The following NRXN3 variants were observed in gnomAD, a reference collection of about 807,000 sequenced individuals.
NRXN3 encodes the protein neurexin 3, also known as neurexin III.
In NRXN3, 32 loss-of-function variants were observed where a neutral mutation model predicts 137.6. The ratio of observed to expected loss-of-function variants is 0.23; its 90% CI spans 0.18 to 0.31. NRXN3 has a LOEUF of 0.31. Ranked by LOEUF, NRXN3 falls within the 10% of genes least tolerant of loss-of-function variation. NRXN3 has a pLI of 1.00. For missense variants in NRXN3, 1,574 were observed against 2,062.5 expected (o/e 0.76, Z 4.59); for synonymous variants, 798 against 784.5 (o/e 1.02, Z -0.29).
chr14:78,978,483 A>G (rs766466918), intron 14 of NRXN3, among the ~76,000 whole-genome samples: 7 of 152,056 alleles, frequency 4.6e-5, no homozygotes, highest in African/African-American at 1.7e-4. Flanking sequence ...AGTTAAAATG[A>G]ATAGATCTTA....
In NRXN3 at chr14:78,582,112, T is replaced by A. The variant is rs191079348; in HGVS notation, c.758-63008T>A. ...CATATCAGTGAGAGACAGTTCAGAG[T>A]GATTGTGGGTGAGCTCATGGTTTCC... On this transcript the variant is annotated intron_variant, in intron 4 of 20. Transcript: ENST00000335750. 7.9e-5 allele frequency among the ~76,000 whole-genome samples: 12 copies of A among 152,110 alleles called. No homozygotes were observed. The East Asian group carries it at 2.3e-3, about 29-fold the overall frequency.
intron 15 of NRXN3, among the ~76,000 whole-genome samples, chr14:79,082,129 C>T (rs1184806345): frequency 6.6e-6 from 1 of 151,688 alleles, no homozygotes; most frequent in Non-Finnish European, 1.5e-5. Context: ...TATATATCCA[C>T]TTAAAACATA....
intron 4 of NRXN3, among the ~76,000 whole-genome samples, chr14:78,560,068 A>T (rs1490113452): frequency 6.6e-6 from 1 of 152,204 alleles, no homozygotes; most frequent in Non-Finnish European, 1.5e-5. Context: ...CTGCCTGACA[A>T]TAAGGGGCCA....
intron 10 of NRXN3, among the ~76,000 whole-genome samples, chr14:78,928,149 C>T (rs1373365390): frequency 6.6e-6 from 1 of 152,138 alleles, no homozygotes; most frequent in African/African-American, 2.4e-5. Flanking sequence ...TGCCCCACTT[C>T]CTCAATTTGC....
intron 20 of NRXN3, among the ~76,000 whole-genome samples, chr14:79,859,480 C>T (rs184062443): frequency 6.6e-6 from 1 of 152,178 alleles, no homozygotes; most frequent in Non-Finnish European, 1.5e-5. Context: ...CATCTTGAAG[C>T]ATTTCCTATG....
intron 15 of NRXN3, among the ~76,000 whole-genome samples, chr14:79,115,312 C>G (rs545055467): frequency 8.5e-6 from 1 of 118,224 alleles, no homozygotes; most frequent in Admixed American, 1.0e-4. Context: ...GCAAGAAGAA[C>G]GAAACTCTGT....
chr14:78,499,149 T>A (rs1196086607), intron 4 of NRXN3, among the ~76,000 whole-genome samples: 3 of 152,150 alleles, frequency 2.0e-5, no homozygotes, highest in Non-Finnish European at 2.9e-5. Context: ...TCCTCATTTT[T>A]AATTTTTTAA....
chr14:79,377,096 T>C (rs2094324727), intron 15 of NRXN3, among the ~76,000 whole-genome samples: 1 of 152,210 alleles, frequency 6.6e-6, no homozygotes, highest in African/African-American at 2.4e-5. Context: ...CTCAGCAATA[T>C]CGTGAAAGTT....
intron 4 of NRXN3, among the ~76,000 whole-genome samples, chr14:78,538,614 C>T (rs1566682177): frequency 6.6e-6 from 1 of 152,166 alleles, no homozygotes; most frequent in Non-Finnish European, 1.5e-5. Flanking sequence ...TTTCTTTCTC[C>T]TGCCTGATTG....
At chr14:79,209,861 G>T (rs758502496) in intron 15 of NRXN3, among the ~76,000 whole-genome samples, 9 of 152,138 alleles carry the variant, frequency 5.9e-5, no homozygotes, top group Non-Finnish European at 1.3e-4. Context: ...CTATTAGTCT[G>T]TAGTACAACA....
intron 4 of NRXN3, among the ~76,000 whole-genome samples, chr14:78,318,944 G>A (rs184274420): frequency 4.6e-5 from 7 of 152,306 alleles, no homozygotes; most frequent in African/African-American, 7.2e-5. Context: ...CTTGTTATAC[G>A]CAGGTTCTGC....
intron 15 of NRXN3, among the ~76,000 whole-genome samples, chr14:78,999,882 A>C (rs1171955844): frequency 6.6e-6 from 1 of 152,218 alleles, no homozygotes; most frequent in Non-Finnish European, 1.5e-5. Context: ...GTAACAGTCT[A>C]GTACTCTAGT....
intron 16 of NRXN3, among the ~76,000 whole-genome samples, chr14:79,524,890 G>A (rs1438752551): frequency 2.0e-5 from 3 of 152,184 alleles, no homozygotes; most frequent in Non-Finnish European, 4.4e-5. Context: ...AATGGTAATG[G>A]ACTGAGGCAG....
At chr14:78,485,817 T>C (rs2095551602) in intron 4 of NRXN3, among the ~76,000 whole-genome samples, 1 of 152,234 alleles carries the variant, frequency 6.6e-6, no homozygotes, top group South Asian at 2.1e-4. Context: ...TAAGAAATTA[T>C]TTGCTATTAA....
At chr14:78,608,398 A>G (rs1254722787) in intron 4 of NRXN3, among the ~76,000 whole-genome samples, 1 of 152,228 alleles carries the variant, frequency 6.6e-6, no homozygotes, top group East Asian at 1.9e-4. Context: ...ATATAGCCCA[A>G]ACATCACTGT....
intron 15 of NRXN3, among the ~76,000 whole-genome samples, chr14:79,108,253 T>TA (rs763546762): frequency 3.6e-4 from 55 of 152,220 alleles, no homozygotes; most frequent in Admixed American, 5.2e-4. Context: ...TTTCCTGAAG[T>TA]ACTTTGTGTG....
intron 17 of NRXN3, among the ~76,000 whole-genome samples, chr14:79,687,909 T>C (rs1474409825): frequency 1.3e-5 from 2 of 152,200 alleles, no homozygotes. Context: ...TGGGCTTAGC[T>C]GAGTATGTTA....
At chr14:79,748,812 T>C (rs1038088110) in intron 19 of NRXN3, among the ~76,000 whole-genome samples, 2 of 152,008 alleles carry the variant, frequency 1.3e-5, no homozygotes, top group Non-Finnish European at 2.9e-5. Flanking sequence ...CATAGTGAAT[T>C]GCGATGGTTT....
intron 4 of NRXN3, among the ~76,000 whole-genome samples, chr14:78,625,166 C>T (rs1391724740): frequency 6.6e-6 from 1 of 152,150 alleles, no homozygotes; most frequent in Non-Finnish European, 1.5e-5. Flanking sequence ...AAAATGAGGG[C>T]ATTTGACTAG....
Sources: allele counts gnomAD v4.1 joint callset (sites outside exome capture counted in the v4.1 genomes callset), GRCh38; gene constraint gnomAD v4.1.1; transcripts MANE v1.5; gene names NCBI Gene and HGNC (gene_info 2026-07-23, HGNC 2026-07-21).